The following CAMKMT variants were observed in gnomAD, a reference collection of about 807,000 sequenced individuals.
The protein encoded by CAMKMT is CaM KMT.
Under a neutral mutation model 48.0 loss-of-function variants are expected in CAMKMT, and 53 were observed. That is an observed-to-expected ratio of 1.10 (90% CI 0.89 to 1.39). CAMKMT has a LOEUF of 1.39. CAMKMT is among the 40% of genes most tolerant of loss of function. The probability of loss-of-function intolerance (pLI) is 0.00; values close to 1 mark genes in which losing one functional copy is unlikely to be tolerated. For missense variants in CAMKMT, 428 were observed against 402.7 expected (o/e 1.06, Z -0.54); for synonymous variants, 165 against 152.3 (o/e 1.08, Z -0.61).
intron 1 of CAMKMT, 97 bp from the exon 2 acceptor site, chr2:44,372,619 G>A (rs1679291545): frequency 1.0e-6 from 1 of 990,402 alleles, no homozygotes; most frequent in Non-Finnish European, 1.5e-6. Context: ...TTATTAGAAG[G>A]GAAAGTCCCC....
At chr2:44,408,218 G>T (rs1013441443) in intron 3 of CAMKMT, among the ~76,000 whole-genome samples, 1 of 151,820 alleles carries the variant, frequency 6.6e-6, no homozygotes, top group Non-Finnish European at 1.5e-5. Context: ...TAAAGATGGG[G>T]TTTCACCATA....
intron 3 of CAMKMT, among the ~76,000 whole-genome samples, chr2:44,597,192 A>G (rs1303534380): frequency 6.6e-6 from 1 of 152,206 alleles, no homozygotes; most frequent in Non-Finnish European, 1.5e-5. Context: ...AAAAGATTTG[A>G]TAAACTGTGA....
chr2:44,638,767 G>A (rs116003543), intron 3 of CAMKMT, among the ~76,000 whole-genome samples: 67 of 152,274 alleles, frequency 4.4e-4, no homozygotes, highest in African/African-American at 1.5e-3. Flanking sequence ...GGCATGCACC[G>A]TTCTTTCAGA....
At chr2:44,470,902 C>A (rs1262319263) in intron 3 of CAMKMT, among the ~76,000 whole-genome samples, 1 of 148,468 alleles carries the variant, frequency 6.7e-6, no homozygotes, top group East Asian at 2.0e-4. Flanking sequence ...CTATGTTTAT[C>A]TTTTTCTTAT....
At chr2:44,440,975 C>T (rs1317898861) in intron 3 of CAMKMT, among the ~76,000 whole-genome samples, 1 of 152,146 alleles carries the variant, frequency 6.6e-6, no homozygotes, top group Non-Finnish European at 1.5e-5. Context: ...CTTGCCACCC[C>T]TACTAATTTG....
At chr2:44,573,490 T>C (rs1669037517) in intron 3 of CAMKMT, among the ~76,000 whole-genome samples, 4 of 152,136 alleles carry the variant, frequency 2.6e-5, no homozygotes, top group Admixed American at 1.3e-4. Flanking sequence ...CTGTTGATAA[T>C]GTCTTCTGAT....
Position 44,772,356 on chromosome 2 carries a change from A to G in CAMKMT, c.*243A>G, listed in dbSNP as rs995942649. 34 of 391,500 alleles carry G rather than the reference A, an allele frequency of 8.7e-5. No individual in the cohort carries two copies. The highest frequency in any genetic ancestry group is 6.8e-4 in the African/African-American group (33 of 48,580). 24.3% of individuals were successfully genotyped at this position (391,500 alleles called of 1,614,324 possible). ...GCCCTAAACCTTTGTTTGTCTTTAA[A>G]TGTGTATAAGCTGCCTGTCTGTGAC... On this transcript the variant is annotated 3_prime_UTR_variant, in exon 11 of 11. Transcript: ENST00000378494.
intron 3 of CAMKMT, among the ~76,000 whole-genome samples, chr2:44,593,763 CTTTT>C (rs61603790): frequency 8.2e-6 from 1 of 122,686 alleles, no homozygotes. Context: ...AGACAACTTC[CTTTT>C]TTTTTTTTTT....
At chr2:44,697,362 G>C (rs941304172) in intron 3 of CAMKMT, among the ~76,000 whole-genome samples, 2 of 152,058 alleles carry the variant, frequency 1.3e-5, no homozygotes, top group Non-Finnish European at 2.9e-5. Context: ...TGATAGTGAA[G>C]ATTAGGCTGT....
intron 3 of CAMKMT, among the ~76,000 whole-genome samples, chr2:44,635,476 A>T (rs1013878950): frequency 1.3e-5 from 2 of 152,210 alleles, no homozygotes; most frequent in African/African-American, 4.8e-5. Flanking sequence ...TATAAATGAG[A>T]TAATTTAAAT....
intron 3 of CAMKMT, among the ~76,000 whole-genome samples, chr2:44,671,788 C>G (rs1675343163): frequency 6.6e-6 from 1 of 152,074 alleles, no homozygotes; most frequent in South Asian, 2.1e-4. Context: ...CTCTTTGTTT[C>G]TGGCTAAAAG....
At chr2:44,745,637 G>A (rs1437285369) in intron 8 of CAMKMT, among the ~76,000 whole-genome samples, 1 of 151,654 alleles carries the variant, frequency 6.6e-6, no homozygotes, top group African/African-American at 2.4e-5. Flanking sequence ...TTCCATGCAT[G>A]AATTGTTTTT....
At chr2:44,424,628 A>T (rs1684160444) in intron 3 of CAMKMT, among the ~76,000 whole-genome samples, 2 of 152,226 alleles carry the variant, frequency 1.3e-5, no homozygotes, top group Admixed American at 6.5e-5. Context: ...AGCAACCTGG[A>T]TGAGATTGGA....
chr2:44,553,844 G>A (rs1667857168), intron 3 of CAMKMT, among the ~76,000 whole-genome samples: 1 of 152,168 alleles, frequency 6.6e-6, no homozygotes, highest in Non-Finnish European at 1.5e-5. Context: ...TTTATCAAAT[G>A]AAGCTATTTT....
intron 7 of CAMKMT, among the ~76,000 whole-genome samples, chr2:44,739,175 C>A (rs557082902): frequency 6.6e-6 from 1 of 152,342 alleles, no homozygotes; most frequent in South Asian, 2.1e-4. Context: ...AAAAGAATCA[C>A]TCTGGCTGCT....
At chr2:44,689,264 TTTTATTTA>T (rs148599125) in intron 3 of CAMKMT, among the ~76,000 whole-genome samples, 1,720 of 136,244 alleles carry the variant, frequency 0.013, 15 homozygotes, top group African/African-American at 0.023. Context: ...CAGCACTATT[TTTTATTTA>T]TTTATTTATT....
In CAMKMT at chr2:44,468,447, C is replaced by G. The variant is rs542477556; in HGVS notation, c.376+78142C>G. ...ATTATGGAAAACAGTATGGAGTTTC[C>G]TCAGAAAACTAAAAATGGAACTATC... On this transcript the variant is annotated intron_variant, in intron 3 of 10. Transcript: ENST00000378494. Among the ~76,000 whole-genome samples the G allele has an allele frequency of 1.6e-4, 24 of 152,238 alleles. 1 individual carries two copies. In the South Asian group the frequency reaches 3.3e-3, roughly 21 times the overall value.
At position 44,372,904 on chromosome 2, in the gene CAMKMT, G is replaced by C. The variant is rs1572658773; in HGVS notation, c.311+16G>C. 6.3e-7 allele frequency: 1 copy of C among 1,591,250 alleles called. No individual in the cohort carries two copies. Among genetic ancestry groups the C allele is most frequent in the Non-Finnish European group, 8.5e-7 (1 of 1,171,542 alleles). ...TCTCCTTAAGGTAACCATTATTCTA[G>C]TTAAGATTTTGTAAACACTAGATTT... On this transcript the variant is annotated intron_variant, in intron 2 of 10. Coordinates refer to ENST00000378494, the MANE Select transcript of CAMKMT (RefSeq NM_024766.5).
intron 3 of CAMKMT, among the ~76,000 whole-genome samples, chr2:44,433,816 T>G (rs1684789441): frequency 6.6e-6 from 1 of 152,226 alleles, no homozygotes; most frequent in Non-Finnish European, 1.5e-5. Flanking sequence ...GTATTATTTT[T>G]CCTCAATTTA....
Sources: allele counts gnomAD v4.1 joint callset (sites outside exome capture counted in the v4.1 genomes callset), GRCh38; gene constraint gnomAD v4.1.1; transcripts MANE v1.5; gene names NCBI Gene and HGNC (gene_info 2026-07-23, HGNC 2026-07-21).